The following ASXL3 variants were observed in gnomAD, a reference collection of about 807,000 sequenced individuals.
ASXL3 encodes the protein putative Polycomb group protein ASXL3.
ASXL3 carries 34 observed loss-of-function variants against 170.6 expected under a neutral mutation model. The ratio of observed to expected loss-of-function variants is 0.20; its 90% CI spans 0.15 to 0.27. The LOEUF (loss-of-function observed/expected upper bound fraction) is 0.27. Ranked by LOEUF, ASXL3 falls within the 10% of genes least tolerant of loss-of-function variation. The pLI, the probability that ASXL3 is intolerant of heterozygous loss-of-function variation, is 1.00. For synonymous variants in ASXL3, 1,002 were observed against 989.1 expected (o/e 1.01, Z -0.24); for missense variants, 2,592 against 2,695.3 (o/e 0.96, Z 0.85).
intron 2 of ASXL3, among the ~76,000 whole-genome samples, chr18:33,621,732 G>A (rs568183442): frequency 6.6e-6 from 1 of 152,192 alleles, no homozygotes; most frequent in East Asian, 1.9e-4. Flanking sequence ...AGAAATCATT[G>A]AATTGAGTAT....
intron 8 of ASXL3, among the ~76,000 whole-genome samples, chr18:33,693,112 A>G (rs983700860): frequency 6.6e-6 from 1 of 152,146 alleles, no homozygotes; most frequent in Non-Finnish European, 1.5e-5. Context: ...AATTTTGTGG[A>G]GGCGCAATTC....
At chr18:33,676,033 G>T (rs1481155225) in intron 7 of ASXL3, among the ~76,000 whole-genome samples, 1 of 151,552 alleles carries the variant, frequency 6.6e-6, no homozygotes, top group East Asian at 2.0e-4. Flanking sequence ...GACCATCCTG[G>T]CTAACACAGT....
chr18:33,686,150 C>T (rs1448172707), intron 8 of ASXL3, among the ~76,000 whole-genome samples: 5 of 152,182 alleles, frequency 3.3e-5, no homozygotes, highest in Non-Finnish European at 7.3e-5. Flanking sequence ...AGGCACAGTG[C>T]TCATCCTTGA....
intron 1 of ASXL3, among the ~76,000 whole-genome samples, chr18:33,604,332 T>C (rs931875211): frequency 6.6e-6 from 1 of 152,030 alleles, no homozygotes; most frequent in Admixed American, 6.6e-5. Context: ...CAACTGAAAA[T>C]ATAAAATAAT....
intron 5 of ASXL3, among the ~76,000 whole-genome samples, chr18:33,663,788 G>T (rs1031050859): frequency 6.6e-6 from 1 of 152,036 alleles, no homozygotes; most frequent in Admixed American, 6.6e-5. Context: ...CCATGTAATT[G>T]CTGAATTTCT....
intron 4 of ASXL3, among the ~76,000 whole-genome samples, chr18:33,660,728 C>T (rs893535557): frequency 1.3e-5 from 2 of 152,072 alleles, no homozygotes; most frequent in African/African-American, 4.8e-5. Flanking sequence ...CCAGTGTATA[C>T]AGAAAAGGGC....
At chr18:33,610,565 C>T (rs75733448) in intron 2 of ASXL3, among the ~76,000 whole-genome samples, 12 of 152,058 alleles carry the variant, frequency 7.9e-5, no homozygotes, top group Admixed American at 6.6e-5. Flanking sequence ...GGCAGGTCTC[C>T]GAGAGCACTT....
chr18:33,745,021 G>A lies in ASXL3; in HGVS notation c.5173G>A (p.Asp1725Asn), dbSNP rs201072457. The A allele has an allele frequency of 1.6e-4, 256 of 1,613,986 alleles. 2 individuals are homozygous for A. In the Middle Eastern group the frequency reaches 3.0e-3, roughly 19 times the overall value. The change falls in exon 12 of 12, where the codon GAT becomes AAT. Residue 1725 changes from aspartate (D) to asparagine (N), a missense_variant. By Grantham distance (23) the Asp-to-Asn change is conservative (BLOSUM62 1). Coordinates refer to ENST00000269197, the MANE Select transcript of ASXL3 (RefSeq NM_030632.3). ...PMEEAISLAT[D>N]ALKRVPGAGS... is the part of the protein sequence containing the mutation. The stretch of plus-strand genomic sequence containing the variant: ...GGAAGAGGCTATTTCCTTGGCTACC[G>A]ATGCCCTGAAGAGAGTCCCTGGTGC...
intron 8 of ASXL3, among the ~76,000 whole-genome samples, chr18:33,729,978 C>A (rs2067416103): frequency 6.6e-6 from 1 of 152,054 alleles, no homozygotes; most frequent in African/African-American, 2.4e-5. Flanking sequence ...ATTGATTATC[C>A]TATCTGTCTC....
chr18:33,615,814 G>T (rs530961742), intron 2 of ASXL3, among the ~76,000 whole-genome samples: 14 of 151,942 alleles, frequency 9.2e-5, no homozygotes, highest in African/African-American at 3.4e-4. Flanking sequence ...GATACTATAG[G>T]GCTTATATAT....
intron 8 of ASXL3, among the ~76,000 whole-genome samples, chr18:33,725,721 T>G (rs553317291): frequency 3.9e-5 from 6 of 152,208 alleles, no homozygotes; most frequent in Non-Finnish European, 5.9e-5. Context: ...CTTCATTTCT[T>G]GTTTCTAAAT....
intron 1 of ASXL3, among the ~76,000 whole-genome samples, chr18:33,579,346 T>C (rs1168426246): frequency 6.6e-6 from 1 of 152,176 alleles, no homozygotes; most frequent in African/African-American, 2.4e-5. Flanking sequence ...TGTGTGCAAT[T>C]TGTGAGTGTG....
At chr18:33,590,620 A>G (rs893089207) in intron 1 of ASXL3, among the ~76,000 whole-genome samples, 2 of 152,050 alleles carry the variant, frequency 1.3e-5, no homozygotes, top group Admixed American at 6.5e-5. Flanking sequence ...CTCTTCATTC[A>G]TTACTTCTGT....
chr18:33,744,765 A>G lies in ASXL3; in HGVS notation c.4917A>G (p.Pro1639=), dbSNP rs753321730. 3.1e-6 allele frequency: 5 copies of G among 1,614,060 alleles called. No homozygotes were observed. In the South Asian group the frequency reaches 5.5e-5, roughly 18 times the overall value. ...KQKEYLEQSC[P]KAIKTEHANY... ...AAGAATATCTAGAGCAAAGCTGTCC[A>G]AAGGCTATCAAAACTGAACATGCCA... Residue 1639 remains proline, a synonymous_variant, in exon 12 of 12, where the codon CCA becomes CCG. Transcript: ENST00000269197.
rs377004557 is a variant in ASXL3, at chr18:33,746,458, A to G, written c.6610A>G (p.Ser2204Gly). 216 of 1,613,958 alleles carry G rather than the reference A, an allele frequency of 1.3e-4. No individual in the cohort carries two copies. Among genetic ancestry groups the G allele is most frequent in the Non-Finnish European group, 1.7e-4 (205 of 1,179,908 alleles). ...QMPVQNFADS[S>G]NADELELKCS... Reference sequence around the variant, plus strand: ...GCCCGTTCAGAACTTTGCCGACAGCAGCAATGCAGATGAATTGGAACTGAA... The same window carrying G: ...GCCCGTTCAGAACTTTGCCGACAGCGGCAATGCAGATGAATTGGAACTGAA... Residue 2204 changes from serine to glycine, a missense_variant, in exon 12 of 12, where the codon AGC (serine) becomes GGC (glycine). Physicochemically the swap from Ser to Gly is moderately conservative, Grantham distance 56 (BLOSUM62 0). Transcript: ENST00000269197.
intron 1 of ASXL3, among the ~76,000 whole-genome samples, chr18:33,596,176 A>G (rs925575567): frequency 6.6e-6 from 1 of 152,206 alleles, no homozygotes; most frequent in African/African-American, 2.4e-5. Flanking sequence ...ATTTCTATGT[A>G]GAGTAGATTA....
chr18:33,665,824 C>A (rs1296380172), intron 5 of ASXL3, among the ~76,000 whole-genome samples: 2 of 152,004 alleles, frequency 1.3e-5, no homozygotes, highest in African/African-American at 4.8e-5. Flanking sequence ...GCACAGTCAG[C>A]ATCTTTTGAT....
intron 7 of ASXL3, among the ~76,000 whole-genome samples, chr18:33,676,170 T>G (rs1442278436): frequency 7.5e-6 from 1 of 133,794 alleles, no homozygotes; most frequent in East Asian, 2.5e-4. Flanking sequence ...CTTGCAGTGA[T>G]CTGAGATGGC....
chr18:33,711,810 C>T (rs1203394646), intron 8 of ASXL3, among the ~76,000 whole-genome samples: 1 of 152,090 alleles, frequency 6.6e-6, no homozygotes, highest in Admixed American at 6.6e-5. Context: ...TATCTCAGGG[C>T]TCACACTCTT....
Sources: gnomAD v4.1 joint callset for allele counts (sites outside exome capture counted in the v4.1 genomes callset) on GRCh38, gnomAD v4.1.1 for gene constraint, MANE v1.5 for transcripts, NCBI Gene and HGNC (gene_info 2026-07-23, HGNC 2026-07-21) for gene names.